The following ARHGAP35 variants were observed in gnomAD, a reference collection of about 807,000 sequenced individuals.
ARHGAP35 encodes Rho GTPase activating protein 35, also known as rho GTPase-activating protein 35.
Under a neutral mutation model 111.1 loss-of-function variants are expected in ARHGAP35, and 15 were observed. That is an observed-to-expected ratio of 0.13 (90% CI 0.09 to 0.21). The LOEUF (loss-of-function observed/expected upper bound fraction) is 0.21, where lower values mean the gene tolerates loss of function less well. ARHGAP35 is among the 10% of genes least tolerant of loss of function. ARHGAP35 has a pLI of 1.00. For synonymous variants in ARHGAP35, 643 were observed against 710.3 expected, an observed-to-expected ratio of 0.91 and a Z score of 1.51; for missense variants, 1,262 against 1,873.0, an observed-to-expected ratio of 0.67 and a Z score of 6.02.
chr19:46,906,706 T>TAA (rs1213408714), intron 1 of ARHGAP35, among the ~76,000 whole-genome samples: 1 of 152,198 alleles, frequency 6.6e-6, no homozygotes, highest in Non-Finnish European at 1.5e-5. Flanking sequence ...GTAGATAAAA[T>TAA]AAAAGCCAAT....
Position 47,001,182 on chromosome 19 carries a change from C to G in ARHGAP35, c.*494C>G. ...CAAGGTAAGGGTACAGCCCGGCTGG[C>G]GGCCTCCTTGGGAACGTGTAGGCCA... On this transcript the variant is annotated 3_prime_UTR_variant, in exon 7 of 7. Coordinates refer to ENST00000672722, the MANE Select transcript of ARHGAP35 (RefSeq NM_004491.5). The surrounding 1 kb of genome is among the most constrained non-coding windows in gnomAD (Gnocchi z 5.4). The G allele has an allele frequency of 1.6e-6, 2 of 1,242,332 alleles. No individual in the cohort carries two copies. The allele number at this position is 1,242,332 out of a possible 1,614,324, so 77.0% of individuals were successfully genotyped here.
At position 46,921,301 on chromosome 19, in the gene ARHGAP35, G is replaced by C; in HGVS notation, c.2626G>C (p.Glu876Gln). 6.2e-7 allele frequency: 1 copy of C among 1,613,962 alleles called. No homozygotes were observed. Among genetic ancestry groups the C allele is most frequent in the South Asian group, 1.1e-5 (1 of 91,078 alleles). ...SLAMLRAFLCEVQDIIPIQLV... is the reference protein window; with the variant it reads ...SLAMLRAFLCQVQDIIPIQLV... ...GGCTATGTTACGTGCCTTTCTTTGT[G>C]AAGTGCAGGATATTATCCCTATTCA... The change falls in exon 2 of 7, where the codon GAA becomes CAA. Residue 876 changes from glutamate (E) to glutamine (Q), a missense_variant. This residue lies in a region of ARHGAP35 where 579 missense variants were observed against 716.9 expected (regional missense o/e 0.81). Coordinates refer to ENST00000672722, the MANE Select transcript of ARHGAP35 (RefSeq NM_004491.5). The surrounding 1 kb of genome is among the most constrained non-coding windows in gnomAD (Gnocchi z 4.3).
Position 46,922,112 on chromosome 19 carries a change from G to A in ARHGAP35, c.3437G>A (p.Gly1146Glu). Reference protein sequence around the residue: ...SEMDTSSLERGRKVSIVSKPV... With the variant: ...SEMDTSSLERERKVSIVSKPV... ...ATGGACACCAGCTCTCTAGAGCGAG[G>A]GCGCAAGGTTTCCATCGTGAGCAAG... The change falls in exon 2 of 7, where the codon GGG (glycine) becomes GAG (glutamate). Residue 1146 changes from glycine to glutamate, a missense_variant. Physicochemically the swap from Gly to Glu is moderately conservative, Grantham distance 98. Around this residue, in one of 8 missense-constraint regions of ARHGAP35, gnomAD observed 579 missense variants for 716.9 expected, o/e 0.81. Transcript: ENST00000672722. This position sits in a 1 kb window ranked among gnomAD's most constrained non-coding sequence, Gnocchi z 4.0. The A allele has an allele frequency of 6.2e-7, 1 of 1,614,016 alleles. No individual in the cohort carries two copies. Among genetic ancestry groups the A allele is most frequent in the Non-Finnish European group, 8.5e-7 (1 of 1,179,902 alleles).
At chr19:46,965,591 C>T (rs1455554662) in intron 3 of ARHGAP35, among the ~76,000 whole-genome samples, 1 of 152,054 alleles carries the variant, frequency 6.6e-6, no homozygotes, top group Non-Finnish European at 1.5e-5. Flanking sequence ...CTCAAGTAAT[C>T]CTCCCACCTC....
intron 1 of ARHGAP35, among the ~76,000 whole-genome samples, chr19:46,871,897 A>G (rs901235625): frequency 2.6e-5 from 4 of 151,806 alleles, no homozygotes; most frequent in Non-Finnish European, 4.4e-5. Context: ...GGAGAATCGC[A>G]TGAACCCAGA....
rs571553337 is a variant in ARHGAP35 at position 46,902,521 on chromosome 19, G to A, written c.-188-15967G>A. ...TATTGAACACATTGTAGCCTGGTCT[G>A]TGCCATCTGCTCCCGGCTGCCTTAC... On this transcript the variant is annotated intron_variant, in intron 1 of 6. Coordinates refer to ENST00000672722, the MANE Select transcript of ARHGAP35 (RefSeq NM_004491.5). Among the ~76,000 whole-genome samples, 10 of 152,244 alleles carry A rather than the reference G, an allele frequency of 6.6e-5. No homozygotes were observed. The South Asian group carries it at 2.1e-3, about 32-fold the overall frequency.
In ARHGAP35 at chr19:47,004,347, G is replaced by A. The variant is rs187714635; in HGVS notation, c.*3659G>A. ...AGCGTGGCCAATGCGCGGCGCGCGCGGGGGACAGAGCAGGAGGCGGTCTGT... is the reference window on the plus strand; with the variant it reads ...AGCGTGGCCAATGCGCGGCGCGCGCAGGGGACAGAGCAGGAGGCGGTCTGT... On this transcript the variant is annotated 3_prime_UTR_variant, in exon 7 of 7. Transcript: ENST00000672722. The A allele has an allele frequency of 0.014, 2,198 of 152,414 alleles. 77 individuals carry two copies. The highest frequency in any genetic ancestry group is 0.069 in the Admixed American group (1,051 of 15,306). 9.4% of individuals were successfully genotyped at this position (152,414 alleles called of 1,614,324 possible). A position where few individuals can be genotyped will look rare whatever the true frequency, so the allele number is the denominator to read the frequency against.
In ARHGAP35 at chr19:46,921,913, G is replaced by A; in HGVS notation, c.3238G>A (p.Asp1080Asn). 6.2e-7 allele frequency: 1 copy of A among 1,613,988 alleles called. No individual in the cohort carries two copies. The highest frequency in any genetic ancestry group is 8.5e-7 in the Non-Finnish European group (1 of 1,179,884). Residue 1080 changes from aspartate (D) to asparagine (N), a missense_variant, in exon 2 of 7, where the codon GAT (aspartate) becomes AAT (asparagine). This residue lies in a region of ARHGAP35 where 579 missense variants were observed against 716.9 expected (regional missense o/e 0.81). Transcript: ENST00000672722. This position sits in a 1 kb window ranked among gnomAD's most constrained non-coding sequence, Gnocchi z 4.3. ...SVSSSPWLPQ[D>N]GFDPSDYAEP... ...GTCTTCTAGCCCCTGGCTGCCTCAG[G>A]ATGGGTTTGATCCTTCTGACTATGC...
chr19:46,875,899 A>T (rs2055916432), intron 1 of ARHGAP35, among the ~76,000 whole-genome samples: 1 of 152,126 alleles, frequency 6.6e-6, no homozygotes, highest in Non-Finnish European at 1.5e-5. Flanking sequence ...TCTTATCAGA[A>T]AGTGTCTCAT....
intron 3 of ARHGAP35, among the ~76,000 whole-genome samples, chr19:46,977,391 G>A (rs531336458): frequency 2.5e-4 from 38 of 152,344 alleles, no homozygotes; most frequent in African/African-American, 9.1e-4. Context: ...CAGCCGCTTA[G>A]GGAGCAGCTC....
At position 46,922,936 on chromosome 19, in the gene ARHGAP35, A is replaced by AT. The variant is rs2056212323; in HGVS notation, c.3681+580_3681+581insT. On this transcript the variant is annotated intron_variant, in intron 2 of 6. Transcript: ENST00000672722. This position sits in a 1 kb window ranked among gnomAD's most constrained non-coding sequence, Gnocchi z 4.0. ...TATTTGTTAAATTGGAATACCATCC[A>AT]GTCTATTATTTTATCTTCAAGGGAG... Among the ~76,000 whole-genome samples the AT allele has an allele frequency of 6.6e-6, 1 of 152,178 alleles. No homozygotes were observed. Among genetic ancestry groups the AT allele is most frequent in the Non-Finnish European group, 1.5e-5 (1 of 68,012 alleles).
chr19:46,898,314 C>T (rs1310549959), intron 1 of ARHGAP35, among the ~76,000 whole-genome samples: 2 of 151,452 alleles, frequency 1.3e-5, no homozygotes, highest in East Asian at 3.9e-4. Context: ...AGGATTCTCC[C>T]AATTCCACAA....
In ARHGAP35 at chr19:46,918,494, A is replaced by G. The variant is rs995925322; in HGVS notation, c.-182A>G. ...TTTTTTTTCCCCCATCTAGGAAGAA[A>G]TGTTGGCTATTTGGCGATGAGAGGT... is the stretch of plus-strand genomic sequence containing the variant. On this transcript the variant is annotated 5_prime_UTR_variant, in exon 2 of 7. The change abolishes an upstream ATG in the 5' untranslated region. Transcript: ENST00000672722. The surrounding 1 kb of genome is among the most constrained non-coding windows in gnomAD (Gnocchi z 5.4). 6.6e-6 allele frequency among the ~76,000 whole-genome samples: 1 copy of G among 152,074 alleles called. No homozygotes were observed. Among genetic ancestry groups the G allele is most frequent in the Admixed American group, 6.6e-5 (1 of 15,262 alleles).
intron 1 of ARHGAP35, among the ~76,000 whole-genome samples, chr19:46,888,368 CACA>C (rs376172055): frequency 1.6e-3 from 209 of 127,226 alleles, no homozygotes; most frequent in African/African-American, 6.3e-3. Context: ...ACACACACCC[CACA>C]ACAAGAAGTA....
rs1477022073 is a variant in ARHGAP35, at chr19:47,001,761, AGT to A, written c.*1081_*1082del. The stretch of plus-strand genomic sequence containing the variant: ...GGGTGTGTGTGCACATGTGAGTGTG[AGT>A]GTGTGTGGGCGCTTGGTGGGGGGTT... On this transcript the variant is annotated 3_prime_UTR_variant, in exon 7 of 7. Coordinates refer to ENST00000672722, the MANE Select transcript of ARHGAP35 (RefSeq NM_004491.5). The surrounding 1 kb of genome is among the most constrained non-coding windows in gnomAD (Gnocchi z 5.4). 4.1e-5 allele frequency: 10 copies of A among 242,802 alleles called. No homozygotes were observed. Among genetic ancestry groups the A allele is most frequent in the Admixed American group, 2.6e-4 (5 of 19,384 alleles). The allele number at this position is 242,802 out of a possible 1,614,324, so 15.0% of individuals were successfully genotyped here.
rs1209863505 is a variant in ARHGAP35, at chr19:46,978,288, C to CTTCCTT, written c.3827-9700_3827-9699insTCCTTT. ...GGCCAGGAAAGGAAGGGACACTGGG[C>CTTCCTT]TGTGATTGGTGACATGTTTGCCTCC... On this transcript the variant is annotated intron_variant, in intron 3 of 6. Coordinates refer to ENST00000672722, the MANE Select transcript of ARHGAP35 (RefSeq NM_004491.5). Among the ~76,000 whole-genome samples the CTTCCTT allele has an allele frequency of 2.1e-4, 32 of 152,272 alleles. 1 individual carries two copies. The highest frequency in any genetic ancestry group is 1.0e-3 in the South Asian group (5 of 4,826).
chr19:46,905,031 C>G (rs1161439445), intron 1 of ARHGAP35, among the ~76,000 whole-genome samples: 1 of 152,190 alleles, frequency 6.6e-6, no homozygotes, highest in Non-Finnish European at 1.5e-5. Flanking sequence ...TTTCATTTCT[C>G]TCTGTCTCAG....
At chr19:46,930,465 G>GAA (rs34807261) in intron 2 of ARHGAP35, among the ~76,000 whole-genome samples, 1 of 93,368 alleles carries the variant, frequency 1.1e-5, no homozygotes, top group East Asian at 3.0e-4. Context: ...CAGGCACTTT[G>GAA]AAAAAAAAAA....
At chr19:46,937,864 C>A (rs985076717) in intron 3 of ARHGAP35, among the ~76,000 whole-genome samples, 1 of 152,142 alleles carries the variant, frequency 6.6e-6, no homozygotes, top group Non-Finnish European at 1.5e-5. Context: ...ATGCCTGAGA[C>A]CCATGTATTG....
Sources: gnomAD v4.1 joint callset for allele counts (sites outside exome capture counted in the v4.1 genomes callset) on GRCh38, gnomAD v4.1.1 for gene constraint, gnomAD v4.1.1 regional missense constraint, Gnocchi (gnomAD v3.1) non-coding constraint, MANE v1.5 for transcripts, NCBI Gene and HGNC (gene_info 2026-07-23, HGNC 2026-07-21) for gene names.